Variants in ACYP2 observed in about 807,000 individuals in gnomAD.
The protein encoded by ACYP2 is acylphosphatase-2.
A neutral mutation model predicts 11.2 loss-of-function variants in ACYP2; 12 were observed. The ratio of observed to expected loss-of-function variants is 1.08; its 90% CI spans 0.69 to 1.74. The LOEUF (loss-of-function observed/expected upper bound fraction) is 1.74. Among genes scored for constraint, ACYP2 ranks in the 40% most tolerant of loss-of-function variants. The pLI is 0.00. For missense variants in ACYP2, 134 were observed against 101.9 expected (o/e 1.31, Z -1.35); for synonymous variants, 43 against 32.2 (o/e 1.33, Z -1.13).
intron 6 of ACYP2, among the ~76,000 whole-genome samples, chr2:54,303,453 C>T (rs1316414575): frequency 6.6e-6 from 1 of 152,172 alleles, no homozygotes; most frequent in East Asian, 1.9e-4. Flanking sequence ...GAAGACGTGG[C>T]TAGTAAAGTT....
intron 2 of ACYP2, among the ~76,000 whole-genome samples, chr2:53,974,414 T>G (rs980796804): frequency 2.0e-5 from 3 of 152,104 alleles, no homozygotes; most frequent in African/African-American, 7.2e-5. Flanking sequence ...GTACTGGAAG[T>G]TGGAGAAGTT....
At chr2:54,142,520 C>G (rs1399021773) in intron 6 of ACYP2, 1 of 152,016 alleles carries the variant, frequency 6.6e-6, no homozygotes, top group Non-Finnish European at 1.5e-5. Flanking sequence ...GTCAGGAGTT[C>G]AAGACCAGCC....
chr2:54,256,359 A>C (rs1419399756), intron 6 of ACYP2: 2 of 581,316 alleles, frequency 3.4e-6, no homozygotes, highest in Non-Finnish European at 6.2e-6. Flanking sequence ...TATTTTAGCC[A>C]TCGTGCTGGA....
At chr2:54,099,962 C>T (rs1377645964) in intron 4 of ACYP2, among the ~76,000 whole-genome samples, 1 of 152,172 alleles carries the variant, frequency 6.6e-6, no homozygotes, top group Non-Finnish European at 1.5e-5. Context: ...TATCGTTTAT[C>T]TTTTTCATCA....
intron 4 of ACYP2, among the ~76,000 whole-genome samples, chr2:54,101,397 G>A (rs1344702950): frequency 1.3e-5 from 2 of 152,058 alleles, no homozygotes; most frequent in South Asian, 2.1e-4. Flanking sequence ...GGGGCCGGGC[G>A]CGGTGGCTCA....
chr2:54,036,621 T>C (rs970865189), intron 2 of ACYP2, among the ~76,000 whole-genome samples: 1 of 152,214 alleles, frequency 6.6e-6, no homozygotes, highest in East Asian at 1.9e-4. Context: ...GTCCCCAAGA[T>C]AGAGATTTCT....
chr2:54,000,416 A>C (rs1672746417), intron 2 of ACYP2, among the ~76,000 whole-genome samples: 1 of 152,212 alleles, frequency 6.6e-6, no homozygotes, highest in Non-Finnish European at 1.5e-5. Context: ...ATGATCTGTA[A>C]ACATAAACTT....
intron 6 of ACYP2, among the ~76,000 whole-genome samples, chr2:54,246,400 G>A (rs1156579538): frequency 6.6e-6 from 1 of 152,102 alleles, no homozygotes; most frequent in East Asian, 1.9e-4. Flanking sequence ...CTTTGTACAA[G>A]TCTTTGTGTC....
intron 6 of ACYP2, among the ~76,000 whole-genome samples, chr2:54,203,638 A>C (rs1252563370): frequency 6.6e-6 from 1 of 152,022 alleles, no homozygotes; most frequent in Non-Finnish European, 1.5e-5. Context: ...TCTATTACTA[A>C]ATTGTTGAGT....
chr2:54,106,794 A>C (rs1262370658), intron 4 of ACYP2, among the ~76,000 whole-genome samples: 1 of 152,128 alleles, frequency 6.6e-6, no homozygotes, highest in East Asian at 1.9e-4. Flanking sequence ...TGTGTTGGCC[A>C]GGCTGGTCTT....
intron 6 of ACYP2, among the ~76,000 whole-genome samples, chr2:54,242,042 T>C (rs565897199): frequency 9.3e-4 from 142 of 152,214 alleles, no homozygotes; most frequent in African/African-American, 3.2e-3. Flanking sequence ...GCTGAAATAA[T>C]AGCATATGGG....
intron 2 of ACYP2, among the ~76,000 whole-genome samples, chr2:54,005,481 A>G (rs970032022): frequency 5.3e-5 from 8 of 152,170 alleles, no homozygotes; most frequent in African/African-American, 1.9e-4. Flanking sequence ...TTGGGAGTAC[A>G]GGCGTGTGCC....
At position 54,168,269 on chromosome 2, in the gene ACYP2, A is replaced by T. The variant is rs184660888; in HGVS notation, c.404+29521A>T. ...GTGAAACCACGTCTCTACTAAAAAA[A>T]TAAAAAAATCACCCAGGCGTGGTGG... On this transcript the variant is annotated intron_variant, in intron 6 of 6. Transcript: ENST00000607452. 6.6e-5 allele frequency among the ~76,000 whole-genome samples: 10 copies of T among 152,170 alleles called. 1 individual carries two copies. In the East Asian group the frequency reaches 1.9e-3, roughly 29 times the overall value.
chr2:54,095,279 T>C (rs931075298), intron 4 of ACYP2, among the ~76,000 whole-genome samples: 3 of 152,250 alleles, frequency 2.0e-5, no homozygotes, highest in Admixed American at 2.0e-4. Flanking sequence ...CTCCCATGTC[T>C]ACTTCTTTCT....
At chr2:54,257,018 T>G (rs1347767446) in intron 6 of ACYP2, among the ~76,000 whole-genome samples, 1 of 152,170 alleles carries the variant, frequency 6.6e-6, no homozygotes, top group Non-Finnish European at 1.5e-5. Flanking sequence ...GTTTTTCATC[T>G]TAATATGTGC....
At chr2:54,016,003 AG>A (rs1673663894) in intron 2 of ACYP2, among the ~76,000 whole-genome samples, 1 of 152,114 alleles carries the variant, frequency 6.6e-6, no homozygotes, top group Non-Finnish European at 1.5e-5. Context: ...TGTCAGAACA[AG>A]CCATAAGCCC....
At chr2:53,982,159 T>C (rs1267468049) in intron 2 of ACYP2, among the ~76,000 whole-genome samples, 1 of 152,174 alleles carries the variant, frequency 6.6e-6, no homozygotes, top group Non-Finnish European at 1.5e-5. Context: ...CCCCAGTTTT[T>C]ATATGTATAA....
At chr2:54,042,075 T>A (rs1158681453) in intron 2 of ACYP2, among the ~76,000 whole-genome samples, 1 of 151,746 alleles carries the variant, frequency 6.6e-6, no homozygotes, top group Non-Finnish European at 1.5e-5. Flanking sequence ...TGGCACGATC[T>A]TGGCTCACCA....
intron 3 of ACYP2, among the ~76,000 whole-genome samples, chr2:54,052,823 G>C (rs941279026): frequency 6.6e-6 from 1 of 152,168 alleles, no homozygotes; most frequent in Non-Finnish European, 1.5e-5. Flanking sequence ...TGGCCCATGA[G>C]GACAAGATAC....
Sources: gnomAD v4.1 joint callset for allele counts (sites outside exome capture counted in the v4.1 genomes callset) on GRCh38, gnomAD v4.1.1 for gene constraint, MANE v1.5 for transcripts, NCBI Gene and HGNC (gene_info 2026-07-23, HGNC 2026-07-21) for gene names.